The following NRXN1 variants were observed in gnomAD, a reference collection of about 807,000 sequenced individuals.
NRXN1 encodes the protein neurexin 1.
In NRXN1, 39 loss-of-function variants were observed where a neutral mutation model predicts 150.9. The observed-to-expected ratio is 0.26, with a 90% CI of 0.20 to 0.34. The LOEUF is 0.34. NRXN1 is among the 10% of genes least tolerant of loss of function. The pLI is 1.00. For synonymous variants in NRXN1, 924 were observed against 757.0 expected (o/e 1.22, Z -3.62); for missense variants, 1,815 against 1,949.9 (o/e 0.93, Z 1.30).
At chr2:50,861,178 G>C (rs1339815111) in intron 5 of NRXN1, among the ~76,000 whole-genome samples, 6 of 151,974 alleles carry the variant, frequency 3.9e-5, no homozygotes, top group African/African-American at 1.2e-4. Flanking sequence ...TTTCAGATTG[G>C]TACTTGTCAC....
rs554705457 is a variant in NRXN1, at chr2:50,687,104, G to A, written c.833-63489C>T. On this transcript the variant is annotated intron_variant, in intron 5 of 22. Coordinates refer to ENST00000401669, the MANE Select transcript of NRXN1 (RefSeq NM_001330078.2). Reference sequence around the variant, plus strand: ...TTTGGTTTGTTTCCTCTGATAACAAGGTAATATCTGCAAACCAGTGAATAT... The same window carrying A: ...TTTGGTTTGTTTCCTCTGATAACAAAGTAATATCTGCAAACCAGTGAATAT... 3.3e-5 allele frequency among the ~76,000 whole-genome samples: 5 copies of A among 152,202 alleles called. No homozygotes were observed. The East Asian group carries it at 9.7e-4, about 29-fold the overall frequency.
intron 5 of NRXN1, among the ~76,000 whole-genome samples, chr2:50,838,485 C>A (rs1672405217): frequency 6.6e-6 from 1 of 152,058 alleles, no homozygotes. Flanking sequence ...AGAGAGTATG[C>A]TATAAGCCTA....
At chr2:50,513,183 T>C (rs114697458) in intron 12 of NRXN1, among the ~76,000 whole-genome samples, 169 of 152,352 alleles carry the variant, frequency 1.1e-3, no homozygotes, top group African/African-American at 3.9e-3. Context: ...TTGCACTTTG[T>C]GTAATCTCAA....
rs144501944 is a variant in NRXN1 at position 49,967,587 on chromosome 2, CT to C, written c.4129-23797del. Among the ~76,000 whole-genome samples, 27 of 152,208 alleles carry C rather than the reference CT, an allele frequency of 1.8e-4. No homozygotes were observed. The East Asian group carries it at 4.6e-3, about 26-fold the overall frequency. Reference sequence around the variant, plus strand: ...GAGTTTCAAATAAAACAAGCATATACTTTTCTACTTAATCTCATCAATTTAA... The same window carrying C: ...GAGTTTCAAATAAAACAAGCATATACTTTCTACTTAATCTCATCAATTTAA... On this transcript the variant is annotated intron_variant, in intron 21 of 22. Coordinates refer to ENST00000401669, the MANE Select transcript of NRXN1 (RefSeq NM_001330078.2).
intron 5 of NRXN1, among the ~76,000 whole-genome samples, chr2:50,815,509 C>A (rs1668803301): frequency 6.6e-6 from 1 of 151,990 alleles, no homozygotes; most frequent in Non-Finnish European, 1.5e-5. Context: ...TATTTAAGAA[C>A]CCATGGTATT....
At chr2:50,314,951 G>T (rs901610914) in intron 17 of NRXN1, among the ~76,000 whole-genome samples, 1 of 151,370 alleles carries the variant, frequency 6.6e-6, no homozygotes, top group African/African-American at 2.4e-5. Flanking sequence ...ACCCAGCTTT[G>T]GATTTTTTTT....
chr2:50,402,185 C>G (rs2082431600), intron 17 of NRXN1, among the ~76,000 whole-genome samples: 1 of 152,064 alleles, frequency 6.6e-6, no homozygotes, highest in African/African-American at 2.4e-5. Context: ...AACATTTGCT[C>G]TAGGTACCTA....
intron 18 of NRXN1, among the ~76,000 whole-genome samples, chr2:50,114,448 T>C (rs1322821840): frequency 1.3e-5 from 2 of 152,116 alleles, no homozygotes; most frequent in African/African-American, 4.8e-5. Context: ...GACATTGTAG[T>C]AGTTTCTTAC....
At chr2:50,904,842 T>C (rs1431342504) in intron 5 of NRXN1, among the ~76,000 whole-genome samples, 1 of 152,166 alleles carries the variant, frequency 6.6e-6, no homozygotes, top group Non-Finnish European at 1.5e-5. Flanking sequence ...TCTTAGAACT[T>C]GATCTAAGAT....
chr2:50,730,320 G>T (rs1697931915), intron 5 of NRXN1, among the ~76,000 whole-genome samples: 1 of 151,952 alleles, frequency 6.6e-6, no homozygotes, highest in African/African-American at 2.4e-5. Flanking sequence ...CATCAATATT[G>T]TCAGATTCAA....
chr2:50,285,315 T>G (rs998172900), intron 17 of NRXN1, among the ~76,000 whole-genome samples: 4 of 152,194 alleles, frequency 2.6e-5, no homozygotes, highest in Non-Finnish European at 1.5e-5. Flanking sequence ...CTCATTCTAG[T>G]TCAGAGTTTG....
intron 17 of NRXN1, among the ~76,000 whole-genome samples, chr2:50,351,819 G>C (rs1191598522): frequency 1.3e-5 from 2 of 152,062 alleles, no homozygotes; most frequent in Non-Finnish European, 1.5e-5. Context: ...TTGAAATACT[G>C]TCATATTTGC....
At chr2:50,030,172 C>T (rs1328963364) in intron 21 of NRXN1, among the ~76,000 whole-genome samples, 1 of 152,122 alleles carries the variant, frequency 6.6e-6, no homozygotes, top group African/African-American at 2.4e-5. Context: ...AAAGGTTAGA[C>T]AGGTTGCTTC....
At chr2:50,373,786 G>C (rs1395497924) in intron 17 of NRXN1, among the ~76,000 whole-genome samples, 1 of 152,042 alleles carries the variant, frequency 6.6e-6, no homozygotes, top group African/African-American at 2.4e-5. Flanking sequence ...GGGTTACTGA[G>C]GATGGTATTA....
Position 50,617,985 on chromosome 2 carries a change from C to T in NRXN1, c.1320+2037G>A, listed in dbSNP as rs868175493. 1.2e-4 allele frequency among the ~76,000 whole-genome samples: 18 copies of T among 152,274 alleles called. No individual in the cohort carries two copies. The Middle Eastern group carries it at 0.02, about 173-fold the overall frequency. ...CTCAGCTGAACTCAAGGATTCCCTG[C>T]AGGAATTACTATTATTATTATTTGG... On this transcript the variant is annotated intron_variant, in intron 8 of 22. Transcript: ENST00000401669.
chr2:49,965,731 C>CT (rs1676861447), intron 21 of NRXN1, among the ~76,000 whole-genome samples: 1 of 152,138 alleles, frequency 6.6e-6, no homozygotes, highest in Admixed American at 6.5e-5. Context: ...TTCCACAAAT[C>CT]TTTATCAGTG....
chr2:50,674,217 G>A (rs1482802028), intron 5 of NRXN1, among the ~76,000 whole-genome samples: 1 of 152,114 alleles, frequency 6.6e-6, no homozygotes. Context: ...GCCTGGAAGG[G>A]TAAAGTTAGA....
intron 5 of NRXN1, among the ~76,000 whole-genome samples, chr2:50,783,585 A>G (rs939490056): frequency 6.6e-6 from 1 of 152,134 alleles, no homozygotes; most frequent in African/African-American, 2.4e-5. Context: ...AAAGAACAGT[A>G]CAATTTCCAC....
chr2:50,865,237 T>C (rs1676712906), intron 5 of NRXN1, among the ~76,000 whole-genome samples: 1 of 151,962 alleles, frequency 6.6e-6, no homozygotes, highest in Non-Finnish European at 1.5e-5. Context: ...GCTTGATTAC[T>C]AGAGGATAAA....
Sources: gnomAD v4.1 joint callset for allele counts (sites outside exome capture counted in the v4.1 genomes callset) on GRCh38, gnomAD v4.1.1 for gene constraint, MANE v1.5 for transcripts, NCBI Gene and HGNC (gene_info 2026-07-23, HGNC 2026-07-21) for gene names.